The following LEMD3 variants were observed in gnomAD, a reference collection of about 807,000 sequenced individuals.
The protein encoded by LEMD3 is LEM domain containing 3.
In LEMD3, 33 loss-of-function variants were observed where a neutral mutation model predicts 95.2. The observed-to-expected ratio is 0.35, with a 90% confidence interval of 0.26 to 0.46. The LOEUF is 0.46. Among genes scored for constraint, LEMD3 ranks in the 20% least tolerant of loss-of-function variants. The probability of loss-of-function intolerance (pLI) is 1.00; values close to 1 mark genes in which losing one functional copy is unlikely to be tolerated. For synonymous variants in LEMD3, 525 were observed against 474.6 expected, an observed-to-expected ratio of 1.11 and a Z score of -1.38; for missense variants, 1,210 against 1,192.8, an observed-to-expected ratio of 1.01 and a Z score of -0.21.
intron 3 of LEMD3, among the ~76,000 whole-genome samples, chr12:65,216,392 C>T (rs530353359): frequency 1.1e-4 from 17 of 151,920 alleles, no homozygotes; most frequent in African/African-American, 4.1e-4. Flanking sequence ...TATACAAATG[C>T]AGATTTTCTT....
intron 4 of LEMD3, among the ~76,000 whole-genome samples, chr12:65,227,258 G>A (rs907375466): frequency 6.6e-6 from 1 of 152,142 alleles, no homozygotes; most frequent in Non-Finnish European, 1.5e-5. Flanking sequence ...CTAGTAGTAG[G>A]ACTATCTTAT....
chr12:65,203,191 G>C (rs1406117297), intron 1 of LEMD3, among the ~76,000 whole-genome samples: 2 of 152,016 alleles, frequency 1.3e-5, no homozygotes, highest in Non-Finnish European at 2.9e-5. Flanking sequence ...GCCTTAAGTT[G>C]CAATTTTTTG....
intron 2 of LEMD3, among the ~76,000 whole-genome samples, chr12:65,212,325 A>G (rs1329084776): frequency 2.0e-5 from 3 of 152,170 alleles, no homozygotes; most frequent in Admixed American, 1.3e-4. Flanking sequence ...CCATATCACA[A>G]GTGTTAAAAT....
In LEMD3 at chr12:65,170,778, C is replaced by T. The variant is rs1868519156; in HGVS notation, c.1182C>T (p.Gly394=). ...TTCTGAAAACCAATAATCATATTGG[C>T]GGTGGGGCCTTCAGTGTGGACTCCC... The part of the protein sequence containing the change: ...GSLLKTNNHI[G]GGAFSVDSPR... Residue 394 remains glycine, a synonymous_variant, in exon 1 of 13, where the codon GGC becomes GGT. Transcript: ENST00000308330. 2 of 1,614,076 alleles carry T rather than the reference C, an allele frequency of 1.2e-6. No homozygotes were observed. Among genetic ancestry groups the T allele is most frequent in the African/African-American group, 2.7e-5 (2 of 74,924 alleles).
At chr12:65,229,086 TA>T (rs1171571563) in intron 4 of LEMD3, among the ~76,000 whole-genome samples, 2 of 152,182 alleles carry the variant, frequency 1.3e-5, no homozygotes, top group Non-Finnish European at 2.9e-5. Context: ...GCCAAGTTCT[TA>T]GTAGTCCTTA....
At chr12:65,242,492 C>T (rs1034766480) in intron 9 of LEMD3, among the ~76,000 whole-genome samples, 13 of 152,188 alleles carry the variant, frequency 8.5e-5, no homozygotes, top group African/African-American at 3.1e-4. Flanking sequence ...TGTACACCAG[C>T]CTGATCCTCT....
At chr12:65,207,679 C>T (rs1341393382) in intron 1 of LEMD3, among the ~76,000 whole-genome samples, 1 of 151,892 alleles carries the variant, frequency 6.6e-6, no homozygotes, top group Non-Finnish European at 1.5e-5. Flanking sequence ...TGTGTTGATC[C>T]AAAGAAAGCG....
At chr12:65,244,280 CACA>C (rs1158728612) in intron 10 of LEMD3, among the ~76,000 whole-genome samples, 5 of 140,782 alleles carry the variant, frequency 3.6e-5, no homozygotes, top group South Asian at 4.4e-4. Context: ...CACACACACA[CACA>C]CACCCCCCCC....
chr12:65,169,846 G>T lies in LEMD3; in HGVS notation c.250G>T (p.Ala84Ser). 1.4e-6 allele frequency: 2 copies of T among 1,459,696 alleles called. No individual in the cohort carries two copies. The highest frequency in any genetic ancestry group is 1.8e-6 in the Non-Finnish European group (2 of 1,102,544). The allele number at this position is 1,459,696 out of a possible 1,614,324, so 90.4% of individuals were successfully genotyped here. The change falls in exon 1 of 13, where the codon GCG becomes TCG. Residue 84 changes from alanine to serine, a missense_variant. Transcript: ENST00000308330. The stretch of plus-strand genomic sequence containing the variant: ...GGTCGCAGCCGCGGGACCAGCGGCG[G>T]CGGCGGCCGCGGGGATGGGGGTCCG... ...ATVAAAGPAA[A>S]AAAGMGVRPV...
intron 1 of LEMD3, among the ~76,000 whole-genome samples, chr12:65,207,341 C>T (rs1175941017): frequency 2.0e-5 from 3 of 151,562 alleles, no homozygotes; most frequent in East Asian, 1.9e-4. Context: ...AGATATGTGG[C>T]GATATTGCAG....
Position 65,171,156 on chromosome 12 carries a change from A to G in LEMD3, c.1522+38A>G, listed in dbSNP as rs116829554. On this transcript the variant is annotated intron_variant, in intron 1 of 12. Transcript: ENST00000308330. ...TCCTGTGGGTAAGGTAACAAAGAGA[A>G]TGTTGTTAGTGGTCCGCTTTAGCCG... The G allele has an allele frequency of 1.5e-4, 245 of 1,603,114 alleles. No homozygotes were observed. The African/African-American group carries it at 3.2e-3, about 21-fold the overall frequency.
chr12:65,170,989 A>T lies in LEMD3; in HGVS notation c.1393A>T (p.Thr465Ser), dbSNP rs376067130. 6.2e-7 allele frequency: 1 copy of T among 1,614,240 alleles called. No homozygotes were observed. The highest frequency in any genetic ancestry group is 1.1e-5 in the South Asian group (1 of 91,086). ...QQFKREEVSPTGSFSAHYLSM... is the reference protein window; with the variant it reads ...QQFKREEVSPSGSFSAHYLSM... ...ATTTAAACGGGAGGAGGTGTCCCCA[A>T]CAGGGAGTTTCAGTGCCCACTACTT... is the stretch of plus-strand genomic sequence containing the variant. The change falls in exon 1 of 13, where the codon ACA becomes TCA. Residue 465 changes from threonine to serine, a missense_variant. By Grantham distance (58) the Thr-to-Ser change is moderately conservative. Coordinates refer to ENST00000308330, the MANE Select transcript of LEMD3 (RefSeq NM_014319.5).
rs772779556 is a variant in LEMD3 at position 65,208,399 on chromosome 12, A to G, written c.1523-2527A>G. On this transcript the variant is annotated intron_variant, in intron 1 of 12. Coordinates refer to ENST00000308330, the MANE Select transcript of LEMD3 (RefSeq NM_014319.5). ...GTAATTCACTCTCAGGTCCCTCCCT[A>G]GTTTTCTAGTGACTGAATAAAGAAT... 8.5e-5 allele frequency among the ~76,000 whole-genome samples: 13 copies of G among 152,082 alleles called. 1 individual carries two copies. Among genetic ancestry groups the G allele is most frequent in the Admixed American group, 5.9e-4 (9 of 15,256 alleles).
Position 65,241,030 on chromosome 12 carries a change from C to A in LEMD3, c.2248C>A (p.Pro750Thr). ...TTTTCTGGTTTGGCGGTGGATCCAG[C>A]CTTCTGCATCCTGTGACAAAATATT... ...ADFLVWRWIQ[P>T]SASCDKILVI... The change falls in exon 9 of 13, where the codon CCT becomes ACT. Residue 750 changes from proline (P) to threonine (T), a missense_variant. Pro to Thr is a conservative substitution (Grantham distance 38, BLOSUM62 -1). Coordinates refer to ENST00000308330, the MANE Select transcript of LEMD3 (RefSeq NM_014319.5). The A allele has an allele frequency of 1.2e-6, 2 of 1,613,924 alleles. No individual in the cohort carries two copies. Among genetic ancestry groups the A allele is most frequent in the Non-Finnish European group, 1.7e-6 (2 of 1,179,866 alleles).
chr12:65,229,200 C>T (rs191833605), intron 4 of LEMD3, among the ~76,000 whole-genome samples: 49 of 152,176 alleles, frequency 3.2e-4, no homozygotes, highest in African/African-American at 1.0e-3. Flanking sequence ...TCAAGTGCAT[C>T]GGTGTTGATG....
rs543668628 is a variant in LEMD3, at chr12:65,203,636, T to C, written c.1523-7290T>C. 5.3e-5 allele frequency among the ~76,000 whole-genome samples: 8 copies of C among 152,310 alleles called. No individual in the cohort carries two copies. In the East Asian group the frequency reaches 1.2e-3, roughly 22 times the overall value. On this transcript the variant is annotated intron_variant, in intron 1 of 12. Transcript: ENST00000308330. ...TGTTGTTGTTTGATGAAGTAGTCTT[T>C]TGTTCATTATATCCAGTTAATTAAT...
intron 4 of LEMD3, among the ~76,000 whole-genome samples, chr12:65,227,380 G>T (rs1477192891): frequency 6.6e-6 from 1 of 152,072 alleles, no homozygotes; most frequent in Admixed American, 6.6e-5. Context: ...ATAAATTCCT[G>T]GAGCAAGTTT....
intron 1 of LEMD3, among the ~76,000 whole-genome samples, chr12:65,181,041 A>T (rs1470219822): frequency 6.9e-6 from 1 of 145,490 alleles, no homozygotes; most frequent in Non-Finnish European, 1.5e-5. Context: ...TCCTGAAAGC[A>T]TGCTGTACTT....
intron 9 of LEMD3, among the ~76,000 whole-genome samples, chr12:65,242,321 TC>T (rs1303327812): frequency 6.6e-6 from 1 of 152,212 alleles, no homozygotes; most frequent in Non-Finnish European, 1.5e-5. Context: ...ATCTTTTTTT[TC>T]CCACTCTGCC....
Sources: allele counts gnomAD v4.1 joint callset (sites outside exome capture counted in the v4.1 genomes callset), GRCh38; gene constraint gnomAD v4.1.1; transcripts MANE v1.5; gene names NCBI Gene and HGNC (gene_info 2026-07-23, HGNC 2026-07-21).